TBRG1: variants seen among roughly 807,000 people sequenced by gnomAD.
TBRG1 encodes the protein transforming growth factor beta regulator 1, also known as nuclear interactor of ARF and MDM2.
A neutral mutation model predicts 44.0 loss-of-function variants in TBRG1; 31 were observed. The ratio of observed to expected loss-of-function variants is 0.70; its 90% CI spans 0.53 to 0.95. The LOEUF is 0.95. TBRG1 is among the 40% of genes least tolerant of loss of function. The probability of loss-of-function intolerance (pLI) is 0.00; values close to 1 mark genes in which losing one functional copy is unlikely to be tolerated. For synonymous variants in TBRG1, 171 were observed against 188.1 expected (o/e 0.91, Z 0.74); for missense variants, 487 against 496.1 (o/e 0.98, Z 0.18).
intron 6 of TBRG1, 107 bp downstream of exon 6, chr11:124,630,592 A>G (rs2134335801): frequency 1.9e-6 from 2 of 1,050,712 alleles, no homozygotes; most frequent in East Asian, 2.4e-5. Flanking sequence ...ATAGAAACCT[A>G]TCCTGGATCC....
At chr11:124,630,910 G>A (rs1183308202) in intron 7 of TBRG1, 55 bp downstream of exon 7, 8 of 1,262,132 alleles carry the variant, frequency 6.3e-6, no homozygotes, top group Non-Finnish European at 9.1e-6. Context: ...ATCCGGCCAG[G>A]GACTGGCAGT....
chr11:124,628,376 A>G (rs939917727), intron 5 of TBRG1, among the ~76,000 whole-genome samples: 21 of 151,542 alleles, frequency 1.4e-4, no homozygotes, highest in Non-Finnish European at 2.7e-4. Context: ...ACATAATAAC[A>G]TATTTAACTA....
At position 124,625,780 on chromosome 11, in the gene TBRG1, T is replaced by C; in HGVS notation, c.331T>C (p.Ser111Pro). The C allele has an allele frequency of 1.3e-6, 2 of 1,577,196 alleles. No individual in the cohort carries two copies. The highest frequency in any genetic ancestry group is 8.6e-7 in the Non-Finnish European group (1 of 1,160,148). The change falls in exon 3 of 9, where the codon TCT becomes CCT. Residue 111 changes from serine (S) to proline (P), a missense_variant. By Grantham distance (74) the Ser-to-Pro change is moderately conservative (BLOSUM62 -1). Coordinates refer to ENST00000441174, the MANE Select transcript of TBRG1 (RefSeq NM_032811.3). ...SLPLTYGVAS[S>P]VGTIQGAGPI... ...GCCCCTGACTTATGGTGTGGCCAGC[T>C]CTGTGGGAACTATACAGGGAGCTGG...
intron 5 of TBRG1, chr11:124,630,094 G>A (rs79787956): frequency 0.022 from 5,823 of 268,364 alleles, 86 homozygotes; most frequent in Middle Eastern, 0.041. Flanking sequence ...AATACCATTT[G>A]TATTTGTACT....
chr11:124,626,045 G>A, intron 3 of TBRG1, 142 bp downstream of exon 3: 1 of 1,244,444 alleles, frequency 8.0e-7, no homozygotes. Context: ...GAGCCCTTGA[G>A]AAAACAAATG....
intron 5 of TBRG1, among the ~76,000 whole-genome samples, chr11:124,628,114 T>TATATAC (rs1942523792): frequency 2.2e-5 from 1 of 45,196 alleles, no homozygotes; most frequent in African/African-American, 9.7e-5. Flanking sequence ...TATATATATA[T>TATATAC]ATACACACAC....
At chr11:124,627,476 C>G (rs977272422) in intron 5 of TBRG1, among the ~76,000 whole-genome samples, 6 of 152,178 alleles carry the variant, frequency 3.9e-5, no homozygotes, top group South Asian at 2.1e-4. Context: ...GTCTTAAATC[C>G]TAGTCTTACT....
rs751675012 is a variant in TBRG1, at chr11:124,634,761, AAAGT to A, written c.*2532_*2535del. The A allele has an allele frequency of 9.2e-5, 14 of 152,238 alleles. No individual in the cohort carries two copies. Among genetic ancestry groups the A allele is most frequent in the East Asian group, 3.8e-4 (2 of 5,206 alleles). The allele number at this position is 152,238 out of a possible 1,614,324, so 9.4% of individuals were successfully genotyped here. A position where few individuals can be genotyped will look rare whatever the true frequency, so the allele number is the denominator to read the frequency against. On this transcript the variant is annotated 3_prime_UTR_variant, in exon 9 of 9. Transcript: ENST00000441174. ...ATTTACATAAGAAAATTATTTTGGTAAAGTAAGTAAGTCAAAAACACAGATTACA... is the reference window on the plus strand; with the variant it reads ...ATTTACATAAGAAAATTATTTTGGTAAAGTAAGTCAAAAACACAGATTACA...
In TBRG1 at chr11:124,625,741, C is replaced by A. The variant is rs867594848; in HGVS notation, c.292C>A (p.His98Asn). 1 of 1,561,204 alleles carries A rather than the reference C, an allele frequency of 6.4e-7. No individual in the cohort carries two copies. Among genetic ancestry groups the A allele is most frequent in the East Asian group, 2.4e-5 (1 of 41,988 alleles). Residue 98 changes from histidine to asparagine, a missense_variant, in exon 3 of 9, where the codon CAC becomes AAC. Coordinates refer to ENST00000441174, the MANE Select transcript of TBRG1 (RefSeq NM_032811.3). ...EGEVQAAAPS[H>N]SSSLPLTYGV... ...GGAAGTACAGGCTGCAGCTCCTTCC[C>A]ACAGTTCCAGTTTGCCCCTGACTTA...
At chr11:124,624,895 C>A in intron 1 of TBRG1, 36 bp from the exon 2 acceptor site, 3 of 1,335,168 alleles carry the variant, frequency 2.2e-6, no homozygotes, top group Non-Finnish European at 3.1e-6. Context: ...TTTTTTTATT[C>A]ATTTTATGTT....
At position 124,627,025 on chromosome 11, in the gene TBRG1, T is replaced by C. The variant is rs1360796527; in HGVS notation, c.713T>C (p.Ile238Thr). ...CAGAAGTGTCTATATACCTGTCAGATCAAGGATGGTGGTGTGCAGCCTCAG... is the reference window on the plus strand; with the variant it reads ...CAGAAGTGTCTATATACCTGTCAGACCAAGGATGGTGGTGTGCAGCCTCAG... Reference protein sequence around the residue: ...PDQKCLYTCQIKDGGVQPQFE... With the variant: ...PDQKCLYTCQTKDGGVQPQFE... Residue 238 changes from isoleucine (I) to threonine (T), a missense_variant, in exon 5 of 9, where the codon ATC (isoleucine) becomes ACC (threonine). By Grantham distance (89) the Ile-to-Thr change is moderately conservative (BLOSUM62 -1). Coordinates refer to ENST00000441174, the MANE Select transcript of TBRG1 (RefSeq NM_032811.3). 18 of 1,555,244 alleles carry C rather than the reference T, an allele frequency of 1.2e-5. No individual in the cohort carries two copies. The South Asian group carries it at 1.8e-4, about 15-fold the overall frequency.
chr11:124,627,985 C>A (rs1288527588), intron 5 of TBRG1, among the ~76,000 whole-genome samples: 9 of 147,852 alleles, frequency 6.1e-5, no homozygotes, highest in African/African-American at 2.2e-4. Flanking sequence ...AGGTCATTAA[C>A]CTAACTGGAC....
rs558139198 is a variant in TBRG1, at chr11:124,634,599, A to T, written c.*2361A>T. 3 of 152,272 alleles carry T rather than the reference A, an allele frequency of 2.0e-5. No individual in the cohort carries two copies. In the East Asian group the frequency reaches 5.8e-4, roughly 29 times the overall value. 9.4% of individuals were successfully genotyped at this position (152,272 alleles called of 1,614,324 possible). ...GAAATAACTGGACGAGTGTGGTATGATGTTTGCATGTGATATTCATTACAG... is the reference window on the plus strand; with the variant it reads ...GAAATAACTGGACGAGTGTGGTATGTTGTTTGCATGTGATATTCATTACAG... On this transcript the variant is annotated 3_prime_UTR_variant, in exon 9 of 9. Transcript: ENST00000441174.
At chr11:124,628,545 A>G (rs1442351358) in intron 5 of TBRG1, among the ~76,000 whole-genome samples, 2 of 146,846 alleles carry the variant, frequency 1.4e-5, no homozygotes, top group African/African-American at 4.9e-5. Context: ...AAAAAAACCC[A>G]CAGGCATTTC....
chr11:124,627,246 G>A (rs1942496072), intron 5 of TBRG1, among the ~76,000 whole-genome samples, 196 bp downstream of exon 5: 1 of 152,164 alleles, frequency 6.6e-6, no homozygotes, highest in Admixed American at 6.5e-5. Context: ...TCTATTATCT[G>A]TCTCATTCTC....
At chr11:124,626,367 T>C (rs1334831706) in intron 3 of TBRG1, 106 bp from the exon 4 acceptor site, 1 of 1,068,780 alleles carries the variant, frequency 9.4e-7, no homozygotes, top group African/African-American at 1.6e-5. Flanking sequence ...AGTAAGTATA[T>C]AAAACCAGGA....
intron 8 of TBRG1, 157 bp from the exon 9 acceptor site, chr11:124,631,936 A>T: frequency 1.6e-6 from 1 of 630,550 alleles, no homozygotes; most frequent in South Asian, 2.0e-5. Flanking sequence ...ACCAGTTTTC[A>T]TTGTAAAAGT....
chr11:124,624,512 G>A (rs2134322372), intron 1 of TBRG1, among the ~76,000 whole-genome samples: 1 of 152,216 alleles, frequency 6.6e-6, no homozygotes, highest in East Asian at 1.9e-4. Context: ...TTTTTCAAGA[G>A]TTGAGGCACT....
rs1942645361 is a variant in TBRG1 at position 124,632,916 on chromosome 11, G to A, written c.*678G>A. On this transcript the variant is annotated 3_prime_UTR_variant, in exon 9 of 9. Transcript: ENST00000441174. ...AGCAGCTGACTAACGAGGGAGATAG[G>A]GAGATTCTGACAAACTTCTACTCTT... 1 of 152,074 alleles carries A rather than the reference G, an allele frequency of 6.6e-6. No individual in the cohort carries two copies. The highest frequency in any genetic ancestry group is 2.1e-4 in the South Asian group (1 of 4,826). The allele number at this position is 152,074 out of a possible 1,614,324, so 9.4% of individuals were successfully genotyped here.
Sources: gnomAD v4.1 joint callset for allele counts (sites outside exome capture counted in the v4.1 genomes callset) on GRCh38, gnomAD v4.1.1 for gene constraint, MANE v1.5 for transcripts, NCBI Gene and HGNC (gene_info 2026-07-23, HGNC 2026-07-21) for gene names.